Variants in PTPRF observed in about 807,000 individuals in gnomAD.
PTPRF encodes receptor-type tyrosine-protein phosphatase F.
Under a neutral mutation model 201.8 loss-of-function variants are expected in PTPRF, and 59 were observed. The ratio of observed to expected loss-of-function variants is 0.29; its 90% CI spans 0.24 to 0.36. The LOEUF (loss-of-function observed/expected upper bound fraction) is 0.36, where lower values mean the gene tolerates loss of function less well. Ranked by LOEUF, PTPRF falls within the 10% of genes least tolerant of loss-of-function variation. The pLI is 1.00. For missense variants in PTPRF, 2,132 were observed against 2,690.5 expected (o/e 0.79, Z 4.59); for synonymous variants, 1,088 against 1,089.7 (o/e 1.00, Z 0.03).
At position 43,620,912 on chromosome 1, in the gene PTPRF, G is replaced by C. The variant is rs1220801019; in HGVS notation, c.5439G>C (p.Glu1813Asp). 6.2e-7 allele frequency: 1 copy of C among 1,614,112 alleles called. No individual in the cohort carries two copies. The highest frequency in any genetic ancestry group is 1.3e-5 in the African/African-American group (1 of 74,946). The change falls in exon 32 of 34, where the codon GAG becomes GAC. Residue 1813 changes from glutamate to aspartate, a missense_variant. Around this residue, in one of 6 missense-constraint regions of PTPRF, gnomAD observed 519 missense variants for 659.5 expected, o/e 0.79. Coordinates refer to ENST00000359947, the MANE Select transcript of PTPRF (RefSeq NM_002840.5). ...AGCAGGGCGTGCCCAAGACAGGCGA[G>C]GGATTCATTGACTTCATCGGGCAGG... ...WPEQGVPKTG[E>D]GFIDFIGQVH...
At chr1:43,589,061 G>T in intron 8 of PTPRF, 61 bp downstream of exon 8, 1 of 1,462,950 alleles carries the variant, frequency 6.8e-7, no homozygotes, top group East Asian at 2.5e-5. Context: ...CCTGGTGGTG[G>T]GCGAATGTGA....
At chr1:43,533,028 T>G (rs1643757925) in intron 1 of PTPRF, among the ~76,000 whole-genome samples, 1 of 152,254 alleles carries the variant, frequency 6.6e-6, no homozygotes, top group Non-Finnish European at 1.5e-5. Context: ...TTTTTGTATA[T>G]GCACTTTCTT....
In PTPRF at chr1:43,592,516, A is replaced by G. The variant is rs1651078725; in HGVS notation, c.1728A>G (p.Thr576=). The change falls in exon 11 of 34, where the codon ACA becomes ACG. Residue 576 remains threonine (T), a synonymous_variant. Coordinates refer to ENST00000359947, the MANE Select transcript of PTPRF (RefSeq NM_002840.5). ...SYTLEDLKPD[T]LYRFQLAARS... ...CACTAGAGGACCTGAAGCCTGACAC[A>G]CTCTACCGCTTCCAGCTGGCTGCAC... The G allele has an allele frequency of 6.2e-7, 1 of 1,611,192 alleles. No homozygotes were observed. The highest frequency in any genetic ancestry group is 1.3e-5 in the African/African-American group (1 of 74,472).
At chr1:43,565,740 G>A (rs927931175) in intron 5 of PTPRF, among the ~76,000 whole-genome samples, 5 of 152,226 alleles carry the variant, frequency 3.3e-5, no homozygotes, top group Non-Finnish European at 5.9e-5. Context: ...AGCCTAGTGG[G>A]AGGATTCCCT....
At chr1:43,571,096 C>G (rs1237845690) in intron 6 of PTPRF, among the ~76,000 whole-genome samples, 1 of 152,176 alleles carries the variant, frequency 6.6e-6, no homozygotes, top group African/African-American at 2.4e-5. Context: ...TTATATAGTG[C>G]TTGGGGTGCC....
At chr1:43,527,985 G>C (rs1289343449), upstream of PTPRF, among the ~76,000 whole-genome samples, 1 of 152,174 alleles carries the variant, frequency 6.6e-6, no homozygotes, top group Non-Finnish European at 1.5e-5. Flanking sequence ...TGTGTGTGAG[G>C]ACCCTGTGCT....
chr1:43,576,021 A>G, intron 6 of PTPRF: 9 of 1,197,032 alleles, frequency 7.5e-6, no homozygotes, highest in Non-Finnish European at 1.0e-5. Context: ...CCCCATCCCC[A>G]TCCCAACCTC....
intron 2 of PTPRF, among the ~76,000 whole-genome samples, chr1:43,539,776 G>C (rs138507647): frequency 9.2e-5 from 14 of 152,318 alleles, no homozygotes; most frequent in Non-Finnish European, 4.4e-5. Context: ...TGAAGGTGGA[G>C]CCCTCTGTCC....
chr1:43,609,522 T>C (rs1373209687), intron 22 of PTPRF, 24 bp downstream of exon 22: 3 of 1,590,728 alleles, frequency 1.9e-6, no homozygotes, highest in Non-Finnish European at 2.6e-6. Flanking sequence ...ATGGCCTGTG[T>C]GCCCCCAGCC....
At chr1:43,594,878 C>A (rs1435824682) in intron 11 of PTPRF, among the ~76,000 whole-genome samples, 4 of 152,074 alleles carry the variant, frequency 2.6e-5, no homozygotes, top group Admixed American at 2.6e-4. Context: ...AGCTAAAGGA[C>A]CCTGAGAAGA....
chr1:43,620,626 C>A, intron 31 of PTPRF, 47 bp downstream of exon 31: 1 of 1,597,808 alleles, frequency 6.3e-7, no homozygotes. Context: ...TGTCCACACG[C>A]TGGGTGGATG....
At chr1:43,551,244 C>G (rs74070606) in intron 3 of PTPRF, among the ~76,000 whole-genome samples, 4,392 of 150,066 alleles carry the variant, frequency 0.029, 224 homozygotes, top group African/African-American at 0.1. Context: ...CCCTGAGCTG[C>G]TTTGTGGAGG....
intron 8 of PTPRF, among the ~76,000 whole-genome samples, chr1:43,590,134 C>G (rs1010109752): frequency 6.6e-6 from 1 of 152,186 alleles, no homozygotes; most frequent in Non-Finnish European, 1.5e-5. Flanking sequence ...TTTCCGTTTG[C>G]CGTGCTCCTT....
intron 6 of PTPRF, among the ~76,000 whole-genome samples, chr1:43,572,151 C>T (rs1646617961): frequency 6.6e-6 from 1 of 152,228 alleles, no homozygotes. Context: ...TCAGGCCTCA[C>T]CTTGCTTTAC....
At chr1:43,580,699 C>G (rs1007037923) in intron 7 of PTPRF, among the ~76,000 whole-genome samples, 1 of 149,518 alleles carries the variant, frequency 6.7e-6, no homozygotes, top group African/African-American at 2.5e-5. Flanking sequence ...CTGGAATGAC[C>G]CTTCTCAAAG....
intron 14 of PTPRF, among the ~76,000 whole-genome samples, chr1:43,602,995 G>C (rs1186958782): frequency 2.0e-5 from 3 of 152,172 alleles, no homozygotes; most frequent in Non-Finnish European, 4.4e-5. Flanking sequence ...TGCATGCACT[G>C]GTGTCCACAG....
chr1:43,533,349 C>T (rs1200329094), intron 1 of PTPRF, among the ~76,000 whole-genome samples: 2 of 152,086 alleles, frequency 1.3e-5, no homozygotes, highest in South Asian at 2.1e-4. Flanking sequence ...CTGCAGCAAA[C>T]GGAAACTAGC....
chr1:43,536,911 G>A (rs753602784), intron 1 of PTPRF, among the ~76,000 whole-genome samples: 2 of 152,226 alleles, frequency 1.3e-5, no homozygotes, highest in African/African-American at 2.4e-5. Flanking sequence ...GGTGGTTAGT[G>A]CAACTTGAGG....
rs764015900 is a variant in PTPRF, at chr1:43,605,600, C to T, written c.3461C>T (p.Pro1154Leu). Residue 1154 changes from proline (P) to leucine (L), a missense_variant, in exon 19 of 34, where the codon CCC (proline) becomes CTC (leucine). Pro to Leu is a moderately conservative substitution (Grantham distance 98). This residue lies in a region of PTPRF where 818 missense variants were observed against 915.3 expected (regional missense o/e 0.89). Transcript: ENST00000359947. ...ATGCTGACGCCAAGGTGGAGCACAC[C>T]CGAGGAACTGGAGCTGGACGAGGTA... ...GSMLTPRWST[P>L]EELELDELLE... The T allele has an allele frequency of 6.2e-7, 1 of 1,614,100 alleles. No individual in the cohort carries two copies. The highest frequency in any genetic ancestry group is 8.5e-7 in the Non-Finnish European group (1 of 1,180,008).
Sources: gnomAD v4.1 joint callset for allele counts (sites outside exome capture counted in the v4.1 genomes callset) on GRCh38, gnomAD v4.1.1 for gene constraint, gnomAD v4.1.1 regional missense constraint, MANE v1.5 for transcripts, NCBI Gene and HGNC (gene_info 2026-07-23, HGNC 2026-07-21) for gene names.